BMPR1B: variants seen among roughly 807,000 people sequenced by gnomAD.
BMPR1B encodes the protein bone morphogenetic protein receptor type 1B, also known as bone morphogenetic protein receptor type-1B.
BMPR1B carries 12 observed loss-of-function variants against 59.1 expected under a neutral mutation model. That is an observed-to-expected ratio of 0.20 (90% CI 0.13 to 0.33). The LOEUF is 0.33. Ranked by LOEUF, BMPR1B falls within the 10% of genes least tolerant of loss-of-function variation. The probability of loss-of-function intolerance (pLI) is 1.00; values close to 1 mark genes in which losing one functional copy is unlikely to be tolerated. For synonymous variants in BMPR1B, 237 were observed against 207.3 expected (o/e 1.14, Z -1.23); for missense variants, 550 against 610.9 (o/e 0.90, Z 1.05).
At chr4:94,879,392 C>CA (rs1322563437) in intron 2 of BMPR1B, among the ~76,000 whole-genome samples, 6 of 152,158 alleles carry the variant, frequency 3.9e-5, no homozygotes, top group Non-Finnish European at 7.4e-5. Flanking sequence ...CTAGAGCCCA[C>CA]AAGTTTGAAA....
rs190123415 is a variant in BMPR1B at position 95,026,213 on chromosome 4, A to G, written c.-18+30079A>G. ...GAACATAAATATTATGTGGAGACTT[A>G]TTATCTGAGTCTTTTAATTTATAAC... On this transcript the variant is annotated intron_variant, in intron 3 of 12. Transcript: ENST00000515059. 2.4e-3 allele frequency among the ~76,000 whole-genome samples: 349 copies of G among 146,398 alleles called. 1 individual carries two copies. Among genetic ancestry groups the G allele is most frequent in the Non-Finnish European group, 3.2e-3 (213 of 67,106 alleles).
At position 94,782,795 on chromosome 4, in the gene BMPR1B, C is replaced by G. The variant is rs368063700; in HGVS notation, c.-183+24727C>G. On this transcript the variant is annotated intron_variant, in intron 1 of 12. Transcript: ENST00000515059. ...GTTTGTCAGATCTAACATCTGGGCT[C>G]TCTCACAGGTAGTTTCTGGTGCCTG... is the stretch of plus-strand genomic sequence containing the variant. Among the ~76,000 whole-genome samples the G allele has an allele frequency of 7.2e-5, 11 of 152,266 alleles. No individual in the cohort carries two copies. In the East Asian group the frequency reaches 2.1e-3, roughly 29 times the overall value.
At chr4:94,949,892 T>C (rs1729864871) in intron 2 of BMPR1B, among the ~76,000 whole-genome samples, 1 of 152,206 alleles carries the variant, frequency 6.6e-6, no homozygotes, top group Admixed American at 6.5e-5. Flanking sequence ...GTTGAACTAA[T>C]TTACACTCCT....
At chr4:95,071,206 G>C (rs2149219559) in intron 3 of BMPR1B, among the ~76,000 whole-genome samples, 1 of 152,192 alleles carries the variant, frequency 6.6e-6, no homozygotes, top group South Asian at 2.1e-4. Flanking sequence ...TTTAATAGAG[G>C]AGAGTCAAGC....
intron 3 of BMPR1B, among the ~76,000 whole-genome samples, chr4:95,097,977 A>T (rs1316841299): frequency 6.6e-6 from 1 of 152,104 alleles, no homozygotes; most frequent in Non-Finnish European, 1.5e-5. Flanking sequence ...ATAAAACTAA[A>T]ACAAAATCAA....
At chr4:94,761,534 G>A (rs1721770456) in intron 1 of BMPR1B, among the ~76,000 whole-genome samples, 1 of 151,720 alleles carries the variant, frequency 6.6e-6, no homozygotes, top group African/African-American at 2.4e-5. Context: ...TTTCTTCAGA[G>A]ACTACCAGTT....
chr4:94,770,182 G>GTTTTTTTTTTTTTTT lies in BMPR1B; in HGVS notation c.-183+12117_-183+12118insTTTTTTTTTTTTTTT, dbSNP rs1215939344. On this transcript the variant is annotated intron_variant, in intron 1 of 12. Coordinates refer to ENST00000515059, the MANE Select transcript of BMPR1B (RefSeq NM_001203.3). ...TGTTTGAATTGTCCTTCGTTTCTGT[G>GTTTTTTTTTTTTTTT]TTTGTTTTTTTTTTTTTTTTTTGCG... is the stretch of plus-strand genomic sequence containing the variant. 9.5e-4 allele frequency among the ~76,000 whole-genome samples: 38 copies of GTTTTTTTTTTTTTTT among 39,980 alleles called. 3 individuals carry two copies. Among genetic ancestry groups the GTTTTTTTTTTTTTTT allele is most frequent in the South Asian group, 2.3e-3 (3 of 1,294 alleles). The allele number at this position is 39,980 out of a possible 152,430, so 26.2% of individuals were successfully genotyped here.
At chr4:94,950,719 T>C (rs1210548166) in intron 2 of BMPR1B, among the ~76,000 whole-genome samples, 1 of 152,202 alleles carries the variant, frequency 6.6e-6, no homozygotes, top group Non-Finnish European at 1.5e-5. Flanking sequence ...TGAAGTCAGG[T>C]AGCATGATGC....
chr4:95,031,793 G>A (rs1455929158), intron 3 of BMPR1B, among the ~76,000 whole-genome samples: 1 of 152,060 alleles, frequency 6.6e-6, no homozygotes, highest in Non-Finnish European at 1.5e-5. Flanking sequence ...TGGACAGGGT[G>A]GCTCACTCCT....
chr4:95,061,093 G>A (rs1305208244), intron 3 of BMPR1B, among the ~76,000 whole-genome samples: 1 of 150,556 alleles, frequency 6.6e-6, no homozygotes, highest in African/African-American at 2.4e-5. Context: ...TTGAAAATTA[G>A]CACTCAAGAT....
At chr4:94,887,403 CAAAA>C (rs57818132) in intron 2 of BMPR1B, among the ~76,000 whole-genome samples, 2 of 54,810 alleles carry the variant, frequency 3.6e-5, no homozygotes, top group Admixed American at 5.0e-4. Context: ...CACCCCCCAC[CAAAA>C]AAAAAAAAAA....
intron 3 of BMPR1B, among the ~76,000 whole-genome samples, chr4:95,092,208 A>AT (rs1730046435): frequency 6.6e-6 from 1 of 152,096 alleles, no homozygotes; most frequent in African/African-American, 2.4e-5. Context: ...TAAGATATTT[A>AT]TTTTTTACCA....
Position 95,156,761 on chromosome 4 carries a change from G to A in BMPR1B, c.*2088G>A, listed in dbSNP as rs991072556. ...TATTAAAAATAACCTCAATAATAATGTAAAGGTTCCTTTCTCTTGTGTCAG... is the reference window on the plus strand; with the variant it reads ...TATTAAAAATAACCTCAATAATAATATAAAGGTTCCTTTCTCTTGTGTCAG... On this transcript the variant is annotated 3_prime_UTR_variant, in exon 13 of 13. Coordinates refer to ENST00000515059, the MANE Select transcript of BMPR1B (RefSeq NM_001203.3). The A allele has an allele frequency of 6.6e-6, 1 of 152,034 alleles. No homozygotes were observed. The highest frequency in any genetic ancestry group is 1.5e-5 in the Non-Finnish European group (1 of 67,976). 9.4% of individuals were successfully genotyped at this position (152,034 alleles called of 1,614,324 possible).
At chr4:95,147,456 C>G (rs565060163) in intron 10 of BMPR1B, among the ~76,000 whole-genome samples, 13 of 151,970 alleles carry the variant, frequency 8.6e-5, no homozygotes, top group Admixed American at 2.6e-4. Context: ...TTGGTATTGA[C>G]TATCTATGAC....
intron 7 of BMPR1B, among the ~76,000 whole-genome samples, chr4:95,124,631 T>C (rs1336381855): frequency 6.6e-6 from 1 of 151,952 alleles, no homozygotes; most frequent in East Asian, 1.9e-4. Context: ...TTTAATTAAT[T>C]AGGGACCTTA....
intron 1 of BMPR1B, among the ~76,000 whole-genome samples, chr4:94,838,590 T>G (rs369884826): frequency 7.2e-6 from 1 of 139,470 alleles, no homozygotes; most frequent in Non-Finnish European, 1.6e-5. Context: ...GTATTTCTGT[T>G]GGATCGGTGG....
chr4:94,890,019 G>T (rs915077127), intron 2 of BMPR1B, among the ~76,000 whole-genome samples: 3 of 152,050 alleles, frequency 2.0e-5, no homozygotes, highest in African/African-American at 2.4e-5. Flanking sequence ...TTTGTAGTGT[G>T]TTGGCATCTA....
At chr4:94,947,247 C>T (rs1475138620) in intron 2 of BMPR1B, among the ~76,000 whole-genome samples, 1 of 152,140 alleles carries the variant, frequency 6.6e-6, no homozygotes, top group African/African-American at 2.4e-5. Context: ...ATTCCAAGGA[C>T]AACCATCCGT....
chr4:94,889,114 T>A (rs189184160), intron 2 of BMPR1B, among the ~76,000 whole-genome samples: 2 of 152,034 alleles, frequency 1.3e-5, no homozygotes, highest in African/African-American at 4.8e-5. Context: ...AGGAGCCTCT[T>A]GCTGGGGATC....
Sources: gnomAD v4.1 joint callset for allele counts (sites outside exome capture counted in the v4.1 genomes callset) on GRCh38, gnomAD v4.1.1 for gene constraint, MANE v1.5 for transcripts, NCBI Gene and HGNC (gene_info 2026-07-23, HGNC 2026-07-21) for gene names.